The following CHD5 variants were observed in gnomAD, a reference collection of about 807,000 sequenced individuals.
CHD5 encodes the protein ATP-dependent chromatin remodeler CHD5.
A neutral mutation model predicts 230.3 loss-of-function variants in CHD5; 69 were observed. That is an observed-to-expected ratio of 0.30 (90% confidence interval 0.25 to 0.37). The LOEUF (loss-of-function observed/expected upper bound fraction) is 0.37. Ranked by LOEUF, CHD5 falls within the 10% of genes least tolerant of loss-of-function variation. CHD5 has a pLI of 1.00. For synonymous variants in CHD5, 1,064 were observed against 1,065.9 expected, an observed-to-expected ratio of 1.00 and a Z score of 0.03; for missense variants, 1,827 against 2,622.8, an observed-to-expected ratio of 0.70 and a Z score of 6.63.
chr1:6,130,703 G>A lies in CHD5; in HGVS notation c.3263-375C>T, dbSNP rs1666641181. ...AGCTTCCCACCCCTGGCTTCCCTTA[G>A]CCCACCGATGCTGCCAGGGCAGCCC... On this transcript the variant is annotated intron_variant, in intron 21 of 41. Coordinates refer to ENST00000262450, the MANE Select transcript of CHD5 (RefSeq NM_015557.3). The surrounding 1 kb of genome is among the most constrained non-coding windows in gnomAD (Gnocchi z 4.9). Among the ~76,000 whole-genome samples the A allele has an allele frequency of 6.6e-6, 1 of 152,188 alleles. No individual in the cohort carries two copies. The highest frequency in any genetic ancestry group is 1.5e-5 in the Non-Finnish European group (1 of 68,030).
Position 6,106,457 on chromosome 1 carries a change from C to T in CHD5, c.5795G>A (p.Arg1932Gln), listed in dbSNP as rs1291078347. The T allele has an allele frequency of 2.0e-5, 32 of 1,563,164 alleles. No individual in the cohort carries two copies. The highest frequency in any genetic ancestry group is 2.7e-5 in the African/African-American group (2 of 73,512). ...GACAATCCCTCCCGGTCCAGGGCCC[C>T]GGAAGTTGGGCCCAAAGTTGTTGCT... Reference protein sequence around the residue: ...MYSNNFGPNFRGPGPGGIVNY... With the variant: ...MYSNNFGPNFQGPGPGGIVNY... The change falls in exon 40 of 42, where the codon CGG (arginine) becomes CAG (glutamine). Residue 1932 changes from arginine to glutamine, a missense_variant. Physicochemically the swap from Arg to Gln is conservative, Grantham distance 43. Transcript: ENST00000262450.
At chr1:6,178,980 GAAGT>G (rs1175017437) in intron 1 of CHD5, among the ~76,000 whole-genome samples, 5 of 152,146 alleles carry the variant, frequency 3.3e-5, no homozygotes, top group African/African-American at 9.7e-5. Flanking sequence ...GGGAAGCCGA[GAAGT>G]AAGAGTCTCC....
In CHD5 at chr1:6,113,066, G is replaced by C; in HGVS notation, c.4913-68C>G. On this transcript the variant is annotated intron_variant, in intron 33 of 41. Transcript: ENST00000262450. ...AAAACACAGAGGACTCTGGGCTCGT[G>C]GCTTTCCACCCATGGAACCCTATCC... 3 of 1,078,412 alleles carry C rather than the reference G, an allele frequency of 2.8e-6. No individual in the cohort carries two copies. The East Asian group carries it at 7.1e-5, about 25-fold the overall frequency. 66.8% of individuals were successfully genotyped at this position (1,078,412 alleles called of 1,614,324 possible).
intron 17 of CHD5, among the ~76,000 whole-genome samples, chr1:6,135,816 T>C (rs753856819): frequency 2.0e-5 from 3 of 152,094 alleles, no homozygotes; most frequent in Non-Finnish European, 4.4e-5. Flanking sequence ...AAGACCAGCC[T>C]GGCCAATATG....
rs1465954950 is a variant in CHD5, at chr1:6,128,118, C to T, written c.3831G>A (p.Glu1277=). 1.2e-6 allele frequency: 2 copies of T among 1,614,062 alleles called. No homozygotes were observed. The highest frequency in any genetic ancestry group is 1.1e-5 in the South Asian group (1 of 91,038). ...DRNQDATDDT[E]LQNMNEYLSS... is the part of the protein sequence containing the mutation. ...TCAGGTACTCGTTCATGTTCTGTAG[C>T]TCCGTGTCATCTGTAGCGTCCTGGT... Residue 1277 remains glutamate (E), a synonymous_variant, in exon 25 of 42, where the codon GAG becomes GAA. Transcript: ENST00000262450. The surrounding 1 kb of genome is among the most constrained non-coding windows in gnomAD (Gnocchi z 7.8).
At position 6,131,230 on chromosome 1, in the gene CHD5, C is replaced by G. The variant is rs1666652310; in HGVS notation, c.3262+401G>C. Among the ~76,000 whole-genome samples the G allele has an allele frequency of 6.6e-6, 1 of 152,194 alleles. No homozygotes were observed. The highest frequency in any genetic ancestry group is 1.5e-5 in the Non-Finnish European group (1 of 68,036). On this transcript the variant is annotated intron_variant, in intron 21 of 41. Coordinates refer to ENST00000262450, the MANE Select transcript of CHD5 (RefSeq NM_015557.3). The surrounding 1 kb of genome is among the most constrained non-coding windows in gnomAD (Gnocchi z 5.0). Reference sequence around the variant, plus strand: ...AGCATGGGTGACTCTGGGGAAAGAGCCTGATCATGTGTGGCCCAGCCCTTT... The same window carrying G: ...AGCATGGGTGACTCTGGGGAAAGAGGCTGATCATGTGTGGCCCAGCCCTTT...
In CHD5 at chr1:6,142,276, TTGA is replaced by T; in HGVS notation, c.2285_2287del (p.Ile762del). 1 of 1,613,672 alleles carries T rather than the reference TTGA, an allele frequency of 6.2e-7. No individual in the cohort carries two copies. Among genetic ancestry groups the T allele is most frequent in the Non-Finnish European group, 8.5e-7 (1 of 1,179,606 alleles). ...CCACATCTCAAACTCGCGTTCCCAG[TTGA>T]TGATGGTGGAGAGGGGCGCGCTAAC... On this transcript the variant is annotated inframe_deletion, in exon 15 of 42. Transcript: ENST00000262450. The surrounding 1 kb of genome is among the most constrained non-coding windows in gnomAD (Gnocchi z 5.2).
intron 3 of CHD5, 147 bp downstream of exon 3, chr1:6,159,189 G>T (rs559126268): frequency 1.5e-5 from 21 of 1,409,084 alleles, no homozygotes; most frequent in Non-Finnish European, 2.0e-5. Context: ...CCGAGGTCAC[G>T]CCACTGCACT....
chr1:6,151,232 G>C lies in CHD5; in HGVS notation c.871-77C>G, dbSNP rs1467605376. 2.0e-6 allele frequency: 3 copies of C among 1,476,314 alleles called. No homozygotes were observed. In the African/African-American group the frequency reaches 4.2e-5, roughly 21 times the overall value. The allele number at this position is 1,476,314 out of a possible 1,614,324, so 91.5% of individuals were successfully genotyped here. On this transcript the variant is annotated intron_variant, in intron 6 of 41. Coordinates refer to ENST00000262450, the MANE Select transcript of CHD5 (RefSeq NM_015557.3). ...CGCTGGCCCAGGCAGTGTGGGGTGGGACAAAGCACGGAAGAGGCTCTGGAG... is the reference window on the plus strand; with the variant it reads ...CGCTGGCCCAGGCAGTGTGGGGTGGCACAAAGCACGGAAGAGGCTCTGGAG...
chr1:6,136,244 G>C (rs760288305), intron 17 of CHD5, among the ~76,000 whole-genome samples: 1 of 152,184 alleles, frequency 6.6e-6, no homozygotes, highest in African/African-American at 2.4e-5. Flanking sequence ...AGGCAGTCCA[G>C]GAGGAACCCC....
At chr1:6,171,335 C>G (rs1667335335) in intron 1 of CHD5, among the ~76,000 whole-genome samples, 1 of 152,198 alleles carries the variant, frequency 6.6e-6, no homozygotes, top group African/African-American at 2.4e-5. Context: ...GAAGACCTCA[C>G]AGCCCAGGGC....
At chr1:6,147,781 G>A (rs1455810685) in intron 9 of CHD5, among the ~76,000 whole-genome samples, 2 of 152,164 alleles carry the variant, frequency 1.3e-5, no homozygotes, top group Non-Finnish European at 2.9e-5. Context: ...CATTCTGGAG[G>A]TGCAAGGTAC....
chr1:6,151,366 C>G (rs1667005603), intron 6 of CHD5, among the ~76,000 whole-genome samples: 1 of 152,214 alleles, frequency 6.6e-6, no homozygotes, highest in Non-Finnish European at 1.5e-5. Context: ...GCCCTGCTCT[C>G]CAGCCTCAGA....
rs1342678997 is a variant in CHD5, at chr1:6,128,051, C to T, written c.3898G>A (p.Gly1300Ser). ...GGGCGGGCCGGGGACCTTACCACGC[C>T]GTCCTCCTCGCGCACCACGTACTGC... ...VAQYVVREED[G>S]VEEVEREIIK... Residue 1300 changes from glycine to serine, a missense_variant, in exon 25 of 42, where the codon GGC (glycine) becomes AGC (serine). This residue lies in a region of CHD5 where 137 missense variants were observed against 272.7 expected (regional missense o/e 0.50). Transcript: ENST00000262450. This position sits in a 1 kb window ranked among gnomAD's most constrained non-coding sequence, Gnocchi z 7.8. The T allele has an allele frequency of 1.2e-6, 2 of 1,605,248 alleles. No homozygotes were observed. The highest frequency in any genetic ancestry group is 1.7e-6 in the Non-Finnish European group (2 of 1,176,284).
Position 6,180,014 on chromosome 1 carries a change from G to C in CHD5, c.10C>G (p.Pro4Ala). 1 of 1,364,322 alleles carries C rather than the reference G, an allele frequency of 7.3e-7. No homozygotes were observed. Among genetic ancestry groups the C allele is most frequent in the Non-Finnish European group, 9.6e-7 (1 of 1,045,314 alleles). The allele number at this position is 1,364,322 out of a possible 1,614,324, so 84.5% of individuals were successfully genotyped here. Residue 4 changes from proline (P) to alanine (A), a missense_variant, in exon 1 of 42, where the codon CCA becomes GCA. Coordinates refer to ENST00000262450, the MANE Select transcript of CHD5 (RefSeq NM_015557.3). ...GGCAGCTCCTCCTCGGTGCCCACTGGGCCCCGCATGCCCGGCGCGGGGAGG... is the reference window on the plus strand; with the variant it reads ...GGCAGCTCCTCCTCGGTGCCCACTGCGCCCCGCATGCCCGGCGCGGGGAGG... Reference protein sequence around the residue: MRGPVGTEEELPRL... With the variant: MRGAVGTEEELPRL...
intron 2 of CHD5, among the ~76,000 whole-genome samples, chr1:6,162,754 C>A (rs1265953715): frequency 1.3e-5 from 2 of 152,206 alleles, no homozygotes; most frequent in African/African-American, 4.8e-5. Context: ...CCAAGCTCAC[C>A]CCCACATTTT....
intron 1 of CHD5, among the ~76,000 whole-genome samples, chr1:6,178,431 CA>C (rs1400771400): frequency 6.6e-6 from 1 of 152,146 alleles, no homozygotes; most frequent in East Asian, 1.9e-4. Context: ...GGCCACACCC[CA>C]AACACCATAA....
Position 6,106,466 on chromosome 1 carries a change from G to A in CHD5, c.5786C>T (p.Pro1929Leu), listed in dbSNP as rs1571134089. 2.6e-6 allele frequency: 4 copies of A among 1,559,770 alleles called. No individual in the cohort carries two copies. Residue 1929 changes from proline (P) to leucine (L), a missense_variant, in exon 40 of 42, where the codon CCC becomes CTC. By Grantham distance (98) the Pro-to-Leu change is moderately conservative. This residue lies in a region of CHD5 where 208 missense variants were observed against 302.0 expected (regional missense o/e 0.69). Coordinates refer to ENST00000262450, the MANE Select transcript of CHD5 (RefSeq NM_015557.3). Reference protein sequence around the residue: ...SSQMYSNNFGPNFRGPGPGGI... With the variant: ...SSQMYSNNFGLNFRGPGPGGI... Reference sequence around the variant, plus strand: ...TCCCGGTCCAGGGCCCCGGAAGTTGGGCCCAAAGTTGTTGCTGTACATCTG... The same window carrying A: ...TCCCGGTCCAGGGCCCCGGAAGTTGAGCCCAAAGTTGTTGCTGTACATCTG...
Position 6,128,664 on chromosome 1 carries a change from G to C in CHD5, c.3620-55C>G. 1 of 1,469,854 alleles carries C rather than the reference G, an allele frequency of 6.8e-7. No individual in the cohort carries two copies. The highest frequency in any genetic ancestry group is 2.3e-5 in the East Asian group (1 of 43,806). 91.1% of individuals were successfully genotyped at this position (1,469,854 alleles called of 1,614,324 possible). On this transcript the variant is annotated intron_variant, in intron 23 of 41. Transcript: ENST00000262450. The surrounding 1 kb of genome is among the most constrained non-coding windows in gnomAD (Gnocchi z 7.8). The stretch of plus-strand genomic sequence containing the variant: ...CAGGACCACAGAGGGCTGCAGGGTT[G>C]GCGGGCAGTGCCCAGAGACACCACC...
Sources: allele counts gnomAD v4.1 joint callset (sites outside exome capture counted in the v4.1 genomes callset), GRCh38; gene constraint gnomAD v4.1.1; regional missense constraint gnomAD v4.1.1; non-coding constraint Gnocchi (gnomAD v3.1); transcripts MANE v1.5; gene names NCBI Gene and HGNC (gene_info 2026-07-23, HGNC 2026-07-21).